The following DNAH3 variants were observed in gnomAD, a reference collection of about 807,000 sequenced individuals.
The protein encoded by DNAH3 is axonemal beta dynein heavy chain 3.
A neutral mutation model predicts 432.5 loss-of-function variants in DNAH3; 332 were observed. The ratio of observed to expected loss-of-function variants is 0.77; its 90% CI spans 0.70 to 0.84. The LOEUF is 0.84. DNAH3 is among the 40% of genes least tolerant of loss of function. The probability of loss-of-function intolerance (pLI) is 0.00; values close to 1 mark genes in which losing one functional copy is unlikely to be tolerated. For missense variants in DNAH3, 4,861 were observed against 5,114.0 expected, an observed-to-expected ratio of 0.95 and a Z score of 1.51; for synonymous variants, 1,956 against 1,900.2, an observed-to-expected ratio of 1.03 and a Z score of -0.76.
Position 20,979,328 on chromosome 16 carries a change from A to G in DNAH3, c.8076+2T>C. ...TCTCTGTTCTGTTTTGGCAGTGCTC[A>G]CCTGAGAAGCTGCAAAGTCGAGTTT... On this transcript the variant is annotated splice_donor_variant, in intron 50 of 61. Transcript: ENST00000261383. LOFTEE classifies it high-confidence loss of function. 6.2e-7 allele frequency: 1 copy of G among 1,613,686 alleles called. No individual in the cohort carries two copies. Among genetic ancestry groups the G allele is most frequent in the African/African-American group, 1.3e-5 (1 of 74,972 alleles).
At chr16:20,968,250 G>C (rs1161502644) in intron 52 of DNAH3, among the ~76,000 whole-genome samples, 1 of 152,060 alleles carries the variant, frequency 6.6e-6, no homozygotes, top group East Asian at 1.9e-4. Context: ...TGCATTTTTT[G>C]TAGAGATGGG....
At chr16:20,962,107 G>C (rs994299446) in intron 53 of DNAH3, among the ~76,000 whole-genome samples, 1 of 151,578 alleles carries the variant, frequency 6.6e-6, no homozygotes, top group Non-Finnish European at 1.5e-5. Flanking sequence ...GTTGCAGTGA[G>C]CCAATATCAC....
At chr16:20,962,112 T>C (rs887147815) in intron 53 of DNAH3, among the ~76,000 whole-genome samples, 1 of 151,336 alleles carries the variant, frequency 6.6e-6, no homozygotes, top group Non-Finnish European at 1.5e-5. Flanking sequence ...AGTGAGCCAA[T>C]ATCACGCCAC....
At chr16:20,943,791 G>C (rs1460824299) in intron 58 of DNAH3, among the ~76,000 whole-genome samples, 2 of 151,992 alleles carry the variant, frequency 1.3e-5, no homozygotes, top group Admixed American at 1.3e-4. Context: ...GACGATCCTG[G>C]ACAATATGAT....
rs577779383 is a variant in DNAH3 at position 20,989,705 on chromosome 16, C to T, written c.6602-1640G>A. Among the ~76,000 whole-genome samples, 4 of 152,340 alleles carry T rather than the reference C, an allele frequency of 2.6e-5. No individual in the cohort carries two copies. The South Asian group carries it at 8.3e-4, about 32-fold the overall frequency. ...CCGTGGAGCAGGGGGTGGTGCTCGT[C>T]GGGGAGGCTTGGGCCGCACAGAGCC... On this transcript the variant is annotated intron_variant, in intron 44 of 61. Coordinates refer to ENST00000261383, the Ensembl canonical transcript of DNAH3.
chr16:21,102,086 G>T (rs2091850898), intron 16 of DNAH3, among the ~76,000 whole-genome samples: 1 of 152,210 alleles, frequency 6.6e-6, no homozygotes, highest in Non-Finnish European at 1.5e-5. Context: ...CTGTTCTCAG[G>T]ATTAATGCAA....
intron 41 of DNAH3, among the ~76,000 whole-genome samples, chr16:21,009,431 A>C (rs1443360342): frequency 6.6e-6 from 1 of 152,238 alleles, no homozygotes; most frequent in Non-Finnish European, 1.5e-5. Flanking sequence ...ACAAAGAGAT[A>C]CTTAAGGATA....
At chr16:21,057,328 A>G (rs1339972741) in intron 27 of DNAH3, among the ~76,000 whole-genome samples, 4 of 152,256 alleles carry the variant, frequency 2.6e-5, no homozygotes, top group Non-Finnish European at 5.9e-5. Context: ...TGGGCACTGT[A>G]TTAACCCCTG....
At chr16:21,150,500 C>T (rs1235558937) in intron 1 of DNAH3, 2 of 309,880 alleles carry the variant, frequency 6.5e-6, no homozygotes, top group Non-Finnish European at 1.3e-5. Flanking sequence ...GGTTGCCTCT[C>T]TGAGGTCATA....
At chr16:20,962,335 G>A (rs975092517) in intron 53 of DNAH3, among the ~76,000 whole-genome samples, 66 of 152,264 alleles carry the variant, frequency 4.3e-4, no homozygotes, top group African/African-American at 1.4e-3. Context: ...AACACAATTC[G>A]TGGGTCTCAC....
Position 21,115,331 on chromosome 16 carries a change from T to C in DNAH3, c.1814+1872A>G, listed in dbSNP as rs372460415. Among the ~76,000 whole-genome samples the C allele has an allele frequency of 8.6e-5, 13 of 150,804 alleles. No homozygotes were observed. The South Asian group carries it at 2.7e-3, about 31-fold the overall frequency. On this transcript the variant is annotated intron_variant, in intron 12 of 61. Coordinates refer to ENST00000261383, the Ensembl canonical transcript of DNAH3. ...GGGTGCAGCACACCAACATGACACATGTATACATATGTAACAAACCTGCAC... is the reference window on the plus strand; with the variant it reads ...GGGTGCAGCACACCAACATGACACACGTATACATATGTAACAAACCTGCAC...
chr16:21,045,339 C>A (rs2089645787), intron 31 of DNAH3, among the ~76,000 whole-genome samples: 1 of 151,020 alleles, frequency 6.6e-6, no homozygotes, highest in Non-Finnish European at 1.5e-5. Flanking sequence ...TTGATTATTG[C>A]CACAATTTCA....
intron 41 of DNAH3, among the ~76,000 whole-genome samples, chr16:21,016,299 G>C (rs2087852991): frequency 6.6e-6 from 1 of 152,064 alleles, no homozygotes. Flanking sequence ...TAAAAACTAG[G>C]AGATAAAAGT....
chr16:21,151,231 T>G (rs191843882), intron 1 of DNAH3, among the ~76,000 whole-genome samples: 2 of 152,046 alleles, frequency 1.3e-5, no homozygotes, highest in African/African-American at 4.8e-5. Context: ...CCCTACTTCA[T>G]AGGGTTGCTT....
chr16:21,105,430 A>G (rs1189412904), intron 15 of DNAH3, among the ~76,000 whole-genome samples: 1 of 152,218 alleles, frequency 6.6e-6, no homozygotes, highest in African/African-American at 2.4e-5. Flanking sequence ...AGGAGCATGA[A>G]GAAAAGTGTC....
intron 16 of DNAH3, among the ~76,000 whole-genome samples, chr16:21,101,781 G>A (rs777250804): frequency 4.6e-5 from 7 of 152,206 alleles, no homozygotes; most frequent in African/African-American, 9.6e-5. Flanking sequence ...GGCCAGGCAG[G>A]GAGGGAGAGG....
chr16:21,128,552 G>A (rs565163044), intron 7 of DNAH3, among the ~76,000 whole-genome samples: 6 of 152,022 alleles, frequency 3.9e-5, no homozygotes, highest in Middle Eastern at 3.4e-3. Flanking sequence ...AAAATTAGCC[G>A]GGTGTGGTGG....
chr16:21,036,663 G>C, intron 35 of DNAH3, 51 bp downstream of exon 35: 1 of 1,557,446 alleles, frequency 6.4e-7, no homozygotes. Flanking sequence ...ACTGTTTGCT[G>C]ACTTCAGCAA....
chr16:20,981,794 T>G (rs994306585), intron 49 of DNAH3, among the ~76,000 whole-genome samples: 1 of 151,876 alleles, frequency 6.6e-6, no homozygotes, highest in African/African-American at 2.4e-5. Flanking sequence ...CCAAGCACCT[T>G]CTAGAAACTA....
Sources: allele counts gnomAD v4.1 joint callset (sites outside exome capture counted in the v4.1 genomes callset), GRCh38; gene constraint gnomAD v4.1.1; transcripts MANE v1.5; gene names NCBI Gene and HGNC (gene_info 2026-07-23, HGNC 2026-07-21).